Variants in COL6A1 observed in about 807,000 individuals in gnomAD.
The protein encoded by COL6A1 is collagen type VI alpha 1 chain, also known as collagen alpha-1(VI) chain.
COL6A1 carries 80 observed loss-of-function variants against 145.6 expected under a neutral mutation model. The ratio of observed to expected loss-of-function variants is 0.55; its 90% CI spans 0.46 to 0.66. COL6A1 has a LOEUF of 0.66. Among genes scored for constraint, COL6A1 ranks in the 30% least tolerant of loss-of-function variants. The pLI, the probability that COL6A1 is intolerant of heterozygous loss-of-function variation, is 0.00. For missense variants in COL6A1, 1,364 were observed against 1,473.8 expected (o/e 0.93, Z 1.22); for synonymous variants, 638 against 622.8 (o/e 1.02, Z -0.36).
chr21:45,999,861 C>CGGGAAGATCATAGGGGGACGT (rs2077828618), intron 27 of COL6A1, among the ~76,000 whole-genome samples, 169 bp downstream of exon 27: 1 of 56,318 alleles, frequency 1.8e-5, no homozygotes, highest in Non-Finnish European at 3.4e-5. Context: ...TGGGAGGACC[C>CGGGAAGATCATAGGGGGACGT]GTGAGGATCA....
Position 46,003,188 on chromosome 21 carries a change from C to T in COL6A1, c.2464+39C>T, listed in dbSNP as rs201468114. 83 of 1,613,672 alleles carry T rather than the reference C, an allele frequency of 5.1e-5. No homozygotes were observed. The African/African-American group carries it at 9.3e-4, about 18-fold the overall frequency. ...CGGCCGGGACACGTGGGGAGGAGGG[C>T]ACCGTGGTTGGGGCGAGGGCTCTGA... On this transcript the variant is annotated intron_variant, in intron 34 of 34. Coordinates refer to ENST00000361866, the MANE Select transcript of COL6A1 (RefSeq NM_001848.3).
In COL6A1 at chr21:45,998,902, G is replaced by A. The variant is rs753448235; in HGVS notation, c.1617G>A (p.Thr539=). 2.4e-5 allele frequency: 38 copies of A among 1,555,100 alleles called. No homozygotes were observed. Among genetic ancestry groups the A allele is most frequent in the Admixed American group, 3.9e-5 (2 of 51,262 alleles). ...GTGCTCTCCCGTCACTGCAGGGCAC[G>A]AAGGGCTACCCCGGCCTCAAGGGGG... ...GNRGAPGING[T]KGYPGLKGDE... is the part of the protein sequence containing the mutation. The change falls in exon 25 of 35, where the codon ACG becomes ACA. Residue 539 remains threonine (T), a synonymous_variant. Transcript: ENST00000361866.
chr21:46,002,472 CAGAA>C (rs1454882478), intron 32 of COL6A1, 51 bp from the exon 33 acceptor site: 1 of 1,613,258 alleles, frequency 6.2e-7, no homozygotes, highest in Admixed American at 1.7e-5. Context: ...GCCTTGTCCC[CAGAA>C]AGACGAGGGC....
chr21:45,998,066 G>A, intron 22 of COL6A1, 55 bp from the exon 23 acceptor site: 1 of 1,600,902 alleles, frequency 6.2e-7, no homozygotes, highest in Non-Finnish European at 8.5e-7. Flanking sequence ...GTGCCAGCCA[G>A]TGGGTATCCC....
chr21:45,984,223 C>A, intron 2 of COL6A1, 46 bp from the exon 3 acceptor site: 3 of 1,551,018 alleles, frequency 1.9e-6, no homozygotes, highest in Non-Finnish European at 2.6e-6. Flanking sequence ...GTAGCGATGG[C>A]GCCAGGGGCC....
intron 25 of COL6A1, 77 bp downstream of exon 25, chr21:45,999,036 C>T (rs959343892): frequency 1.3e-6 from 2 of 1,545,780 alleles, no homozygotes; most frequent in Non-Finnish European, 1.8e-6. Flanking sequence ...GGCAGTGGAC[C>T]AGGACCCGCT....
Position 46,004,833 on chromosome 21 carries a change from G to A in COL6A1, c.*820G>A, listed in dbSNP as rs2077872158. On this transcript the variant is annotated 3_prime_UTR_variant, in exon 35 of 35. Transcript: ENST00000361866. ...CCCGTCTGCTCCTCCCTCCCGCAGA[G>A]ACTGGGGCCTGGACTGGACATGAGA... 1 of 291,682 alleles carries A rather than the reference G, an allele frequency of 3.4e-6. No individual in the cohort carries two copies. Among genetic ancestry groups the A allele is most frequent in the South Asian group, 2.7e-5 (1 of 37,628 alleles). The allele number at this position is 291,682 out of a possible 1,614,324, so 18.1% of individuals were successfully genotyped here.
intron 28 of COL6A1, 105 bp downstream of exon 28, chr21:46,000,472 G>A: frequency 7.2e-7 from 1 of 1,395,668 alleles, no homozygotes; most frequent in Non-Finnish European, 1.0e-6. Flanking sequence ...CTGGGTCTCT[G>A]GGTACATCCT....
chr21:45,999,943 A>AT (rs1569518901), intron 27 of COL6A1, among the ~76,000 whole-genome samples: 31 of 1,206 alleles, frequency 0.026, 1 homozygote, highest in East Asian at 0.056. Context: ...CATGGGGGGG[A>AT]CGTGTGAGGA....
At chr21:45,998,742 T>C (rs1021233114) in intron 24 of COL6A1, among the ~76,000 whole-genome samples, 155 bp from the exon 25 acceptor site, 11 of 152,224 alleles carry the variant, frequency 7.2e-5, no homozygotes, top group African/African-American at 2.2e-4. Flanking sequence ...TCTAGGCCAC[T>C]CCGGGACCCA....
In COL6A1 at chr21:45,991,781, G is replaced by A. The variant is rs73159606; in HGVS notation, c.1120-229G>A. Among the ~76,000 whole-genome samples, 772 of 152,312 alleles carry A rather than the reference G, an allele frequency of 5.1e-3. 5 individuals carry two copies. The highest frequency in any genetic ancestry group is 8.1e-3 in the Non-Finnish European group (554 of 68,032). The stretch of plus-strand genomic sequence containing the variant: ...AATGGGAACCAAATCCTGCCCCTTA[G>A]ACAAGATGGCCCTTGGCTGGGCCTC... On this transcript the variant is annotated intron_variant, in intron 15 of 34. Transcript: ENST00000361866.
chr21:45,998,793 A>C, intron 24 of COL6A1, 104 bp from the exon 25 acceptor site: 27 of 1,303,238 alleles, frequency 2.1e-5, no homozygotes, highest in Non-Finnish European at 2.6e-5. Context: ...GGGGAAGGGA[A>C]GAGAAGAGTG....
Position 46,002,716 on chromosome 21 carries a change from C to A in COL6A1, c.2434+6C>A. On this transcript the variant is annotated splice_donor_region_variant and intron_variant, in intron 33 of 34. Coordinates refer to ENST00000361866, the MANE Select transcript of COL6A1 (RefSeq NM_001848.3). Reference sequence around the variant, plus strand: ...CACCGCCCAGATCTGCATAGGTGCGCATGGGGCCACCCGGGCAGTCCCAGA... The same window carrying A: ...CACCGCCCAGATCTGCATAGGTGCGAATGGGGCCACCCGGGCAGTCCCAGA... 2 of 1,611,396 alleles carry A rather than the reference C, an allele frequency of 1.2e-6. No homozygotes were observed. The highest frequency in any genetic ancestry group is 1.7e-6 in the Non-Finnish European group (2 of 1,178,948).
At position 46,003,121 on chromosome 21, in the gene COL6A1, CAAG is replaced by C. The variant is rs1569519179; in HGVS notation, c.2440_2442del (p.Lys814del). The C allele has an allele frequency of 6.2e-7, 1 of 1,614,096 alleles. No individual in the cohort carries two copies. The highest frequency in any genetic ancestry group is 8.5e-7 in the Non-Finnish European group (1 of 1,179,972). ...CTGCACGGCTTTTCTCTTTTACAGA[CAAG>C]AAGTGTCCAGATTACACCTGCCCCA... is the stretch of plus-strand genomic sequence containing the variant. On this transcript the variant is annotated inframe_deletion and splice_region_variant, in exon 34 of 35. Coordinates refer to ENST00000361866, the MANE Select transcript of COL6A1 (RefSeq NM_001848.3).
intron 18 of COL6A1, 82 bp from the exon 19 acceptor site, chr21:45,992,666 C>G (rs1386756446): frequency 1.4e-6 from 2 of 1,399,844 alleles, no homozygotes; most frequent in African/African-American, 2.9e-5. Context: ...GGGAGTCAGT[C>G]CAGGCCAGGC....
chr21:45,983,644 C>T (rs1297651933), intron 2 of COL6A1, among the ~76,000 whole-genome samples: 3 of 141,772 alleles, frequency 2.1e-5, no homozygotes, highest in Admixed American at 1.4e-4. Context: ...TGGCCAGGCC[C>T]GTGCGGCAGT....
chr21:45,999,243 C>T (rs563104611), intron 26 of COL6A1, 25 bp downstream of exon 26: 2 of 1,572,668 alleles, frequency 1.3e-6, no homozygotes, highest in East Asian at 2.3e-5. Flanking sequence ...CTGGGTGAGG[C>T]CACGGTGGGC....
rs1442670450 is a variant in COL6A1 at position 46,001,266 on chromosome 21, C to T, written c.1836C>T (p.Gly612=). Residue 612 remains glycine (G), a synonymous_variant, in exon 30 of 35, where the codon GGC becomes GGT. Transcript: ENST00000361866. ...CCCCGCCTGCAGAATGCAAGTGCGG[C>T]CCCATCGACCTCCTGTTCGTGCTGG... ...KMCSCCECKC[G]PIDLLFVLDS... is the part of the protein sequence containing the mutation. The T allele has an allele frequency of 1.9e-6, 3 of 1,609,290 alleles. No homozygotes were observed. The highest frequency in any genetic ancestry group is 2.5e-6 in the Non-Finnish European group (3 of 1,179,630).
chr21:45,999,539 G>A lies in COL6A1; in HGVS notation c.1741-118G>A, dbSNP rs534868082. 116 of 1,109,372 alleles carry A rather than the reference G, an allele frequency of 1.0e-4. No individual in the cohort carries two copies. The African/African-American group carries it at 1.5e-3, about 14-fold the overall frequency. 68.7% of individuals were successfully genotyped at this position (1,109,372 alleles called of 1,614,324 possible). On this transcript the variant is annotated intron_variant, in intron 26 of 34. Transcript: ENST00000361866. ...GGAGGACGAGGGGCTGGGTAGGGAG[G>A]GACCGGGCAGGGGTGGGCTTGATGA...
Sources: gnomAD v4.1 joint callset for allele counts (sites outside exome capture counted in the v4.1 genomes callset) on GRCh38, gnomAD v4.1.1 for gene constraint, MANE v1.5 for transcripts, NCBI Gene and HGNC (gene_info 2026-07-23, HGNC 2026-07-21) for gene names.